Variants in UBR2 observed in about 807,000 individuals in gnomAD.
The protein encoded by UBR2 is E3 ubiquitin-protein ligase UBR2.
Under a neutral mutation model 247.9 loss-of-function variants are expected in UBR2, and 92 were observed. That is an observed-to-expected ratio of 0.37 (90% CI 0.31 to 0.44). The LOEUF (loss-of-function observed/expected upper bound fraction) is 0.44. UBR2 is among the 20% of genes least tolerant of loss of function. The pLI is 1.00. For synonymous variants in UBR2, 672 were observed against 693.5 expected, an observed-to-expected ratio of 0.97 and a Z score of 0.49; for missense variants, 1,613 against 2,112.6, an observed-to-expected ratio of 0.76 and a Z score of 4.64.
In UBR2 at chr6:42,637,097, C is replaced by G; in HGVS notation, c.1761C>G (p.Ile587Met). The G allele has an allele frequency of 6.2e-7, 1 of 1,614,144 alleles. No individual in the cohort carries two copies. The highest frequency in any genetic ancestry group is 8.5e-7 in the Non-Finnish European group (1 of 1,180,012). Residue 587 changes from isoleucine to methionine, a missense_variant, in exon 15 of 47, where the codon ATC (isoleucine) becomes ATG (methionine). Coordinates refer to ENST00000372901, the MANE Select transcript of UBR2 (RefSeq NM_001363705.2). ...GTTATACTGATGGTGAACAGCCAATCACACTAAGCATTTGTGGACATTCAG... is the reference window on the plus strand; with the variant it reads ...GTTATACTGATGGTGAACAGCCAATGACACTAAGCATTTGTGGACATTCAG... ...HGGYTDGEQP[I>M]TLSICGHSVE... is the part of the protein sequence containing the mutation.
intron 38 of UBR2, among the ~76,000 whole-genome samples, chr6:42,675,697 C>T (rs554776856): frequency 1.3e-5 from 2 of 152,266 alleles, no homozygotes; most frequent in South Asian, 2.1e-4. Flanking sequence ...CGGTGGCTCA[C>T]GCCTGTAATC....
chr6:42,638,145 A>G (rs146982201), intron 15 of UBR2, among the ~76,000 whole-genome samples: 60 of 152,184 alleles, frequency 3.9e-4, no homozygotes, highest in East Asian at 3.1e-3. Flanking sequence ...TAGGTTTTGG[A>G]AGGTTATTAA....
At chr6:42,564,931 T>TC (rs1431460007) in intron 1 of UBR2, among the ~76,000 whole-genome samples, 3 of 151,842 alleles carry the variant, frequency 2.0e-5, no homozygotes, top group Admixed American at 2.0e-4. Flanking sequence ...TTCAGTGCTA[T>TC]CTTTTTTTTT....
rs1796507018 is a variant in UBR2 at position 42,642,476 on chromosome 6, C to A, written c.2092C>A (p.Leu698Ile). The stretch of plus-strand genomic sequence containing the variant: ...GATGTTTGACAAGGATGTAGTAATG[C>A]TTCAGGTAATGAATTAAAAGCATTG... Reference protein sequence around the residue: ...REMFDKDVVMLQTGVSMMDPN... With the variant: ...REMFDKDVVMIQTGVSMMDPN... Residue 698 changes from leucine to isoleucine, a missense_variant, in exon 18 of 47, where the codon CTT becomes ATT. Coordinates refer to ENST00000372901, the MANE Select transcript of UBR2 (RefSeq NM_001363705.2). 6.2e-7 allele frequency: 1 copy of A among 1,609,452 alleles called. No homozygotes were observed. The highest frequency in any genetic ancestry group is 8.5e-7 in the Non-Finnish European group (1 of 1,176,482).
intron 7 of UBR2, among the ~76,000 whole-genome samples, chr6:42,611,168 A>T (rs1794055161): frequency 1.4e-5 from 2 of 146,888 alleles, no homozygotes; most frequent in Admixed American, 6.8e-5. Flanking sequence ...AAAAAAAAAA[A>T]GTTGATAACA....
chr6:42,602,200 C>CTTCTT (rs898593680), intron 4 of UBR2, among the ~76,000 whole-genome samples: 3 of 132,472 alleles, frequency 2.3e-5, no homozygotes, highest in Non-Finnish European at 3.2e-5. Context: ...TTTTTTTTTT[C>CTTCTT]TTCTTTTCTT....
intron 34 of UBR2, among the ~76,000 whole-genome samples, chr6:42,666,752 C>G (rs1042999520): frequency 6.6e-6 from 1 of 152,178 alleles, no homozygotes; most frequent in African/African-American, 2.4e-5. Flanking sequence ...TAACCAAGCT[C>G]TTAGTAACCC....
intron 11 of UBR2, among the ~76,000 whole-genome samples, chr6:42,628,731 A>AG (rs1562329203): frequency 6.6e-6 from 1 of 151,900 alleles, no homozygotes; most frequent in African/African-American, 2.4e-5. Flanking sequence ...TCAAAAAAAA[A>AG]AAAAAAAAAA....
At chr6:42,604,545 T>C (rs1315648085) in intron 5 of UBR2, among the ~76,000 whole-genome samples, 1 of 152,180 alleles carries the variant, frequency 6.6e-6, no homozygotes, top group African/African-American at 2.4e-5. Flanking sequence ...TATAGTATAC[T>C]GTACTATACT....
intron 1 of UBR2, among the ~76,000 whole-genome samples, chr6:42,569,140 A>G (rs573658635): frequency 3.3e-5 from 5 of 152,250 alleles, no homozygotes; most frequent in African/African-American, 4.8e-5. Context: ...ATTTTTTACA[A>G]ATTTTTGTGG....
intron 4 of UBR2, among the ~76,000 whole-genome samples, chr6:42,597,584 T>G (rs1793058153): frequency 6.9e-6 from 1 of 145,102 alleles, no homozygotes. Flanking sequence ...GGCGACAGAG[T>G]GAGACTCTGT....
At chr6:42,597,188 C>T (rs1793030084) in intron 4 of UBR2, among the ~76,000 whole-genome samples, 1 of 152,256 alleles carries the variant, frequency 6.6e-6, no homozygotes, top group African/African-American at 2.4e-5. Flanking sequence ...TAAGAAGACA[C>T]CAGCAAGCTC....
chr6:42,644,292 A>G lies in UBR2; in HGVS notation c.2176A>G (p.Thr726Ala). The change falls in exon 19 of 47, where the codon ACT (threonine) becomes GCT (alanine). Residue 726 changes from threonine to alanine, a missense_variant. Physicochemically the swap from Thr to Ala is moderately conservative, Grantham distance 58 (BLOSUM62 0). This residue lies in a region of UBR2 where 1,524 missense variants were observed against 1,967.3 expected (regional missense o/e 0.77). Transcript: ENST00000372901. ...SRFELYQIFS[T>A]PDYGKRFSSE... ...CTTTGAACTTTATCAGATTTTCAGT[A>G]CTCCAGACTATGGAAAAAGATTTAG... 1 of 1,613,414 alleles carries G rather than the reference A, an allele frequency of 6.2e-7. No individual in the cohort carries two copies.
intron 42 of UBR2, 130 bp from the exon 43 acceptor site, chr6:42,682,925 T>C (rs1166462373): frequency 1.4e-6 from 1 of 721,648 alleles, no homozygotes; most frequent in Non-Finnish European, 2.3e-6. Flanking sequence ...TTTCTACAGG[T>C]TTCTTTTGAT....
chr6:42,581,337 G>A (rs111465180), intron 2 of UBR2, among the ~76,000 whole-genome samples: 3,318 of 151,986 alleles, frequency 0.022, 109 homozygotes, highest in African/African-American at 0.075. Context: ...TTACAGGCAC[G>A]CACCACCATG....
rs80158383 is a variant in UBR2, at chr6:42,658,211, A to G, written c.2983-29A>G. ...TGTGTACATTGTGATCATATTTCATACAGGATACTGATACTTTTTTTTTTG... is the reference window on the plus strand; with the variant it reads ...TGTGTACATTGTGATCATATTTCATGCAGGATACTGATACTTTTTTTTTTG... On this transcript the variant is annotated intron_variant, in intron 27 of 46. Transcript: ENST00000372901. 4.7e-3 allele frequency: 7,553 copies of G among 1,610,446 alleles called. 228 individuals carry two copies. In the African/African-American group the frequency reaches 0.075, roughly 16 times the overall value.
intron 36 of UBR2, 30 bp from the exon 37 acceptor site, chr6:42,673,760 GT>G: frequency 6.4e-7 from 1 of 1,571,016 alleles, no homozygotes; most frequent in Non-Finnish European, 8.7e-7. Flanking sequence ...TTGCATTTTT[GT>G]TTTTTGTTAA....
In UBR2 at chr6:42,663,244, C is replaced by A; in HGVS notation, c.3537-14C>A. 6.3e-7 allele frequency: 1 copy of A among 1,581,372 alleles called. No individual in the cohort carries two copies. Among genetic ancestry groups the A allele is most frequent in the Non-Finnish European group, 8.6e-7 (1 of 1,163,138 alleles). ...TACCATTGTTTTGATACCTCATGTT[C>A]TCTAATTGTAAAGGTATTTTGATTC... On this transcript the variant is annotated splice_polypyrimidine_tract_variant and intron_variant, in intron 31 of 46. Transcript: ENST00000372901.
At chr6:42,633,508 AG>A (rs1349000002) in intron 13 of UBR2, among the ~76,000 whole-genome samples, 2 of 151,944 alleles carry the variant, frequency 1.3e-5, no homozygotes, top group African/African-American at 4.8e-5. Flanking sequence ...ATCCTGCCTC[AG>A]CCTCTCAAAC....
Sources: gnomAD v4.1 joint callset for allele counts (sites outside exome capture counted in the v4.1 genomes callset) on GRCh38, gnomAD v4.1.1 for gene constraint, gnomAD v4.1.1 regional missense constraint, MANE v1.5 for transcripts, NCBI Gene and HGNC (gene_info 2026-07-23, HGNC 2026-07-21) for gene names.